Variants in ACE observed in about 807,000 individuals in gnomAD.
ACE encodes angiotensin-converting enzyme.
ACE carries 122 observed loss-of-function variants against 162.3 expected under a neutral mutation model. That is an observed-to-expected ratio of 0.75 (90% CI 0.65 to 0.87). The LOEUF is 0.87. Ranked by LOEUF, ACE falls within the 40% of genes least tolerant of loss-of-function variation. The pLI is 0.00. For missense variants in ACE, 1,799 were observed against 1,735.1 expected, an observed-to-expected ratio of 1.04 and a Z score of -0.65; for synonymous variants, 796 against 720.6, an observed-to-expected ratio of 1.10 and a Z score of -1.68.
At position 63,496,811 on chromosome 17, in the gene ACE, C is replaced by T; in HGVS notation, c.3517C>T (p.Leu1173=). Residue 1173 remains leucine, a synonymous_variant, in exon 24 of 25, where the codon CTG becomes TTG. Coordinates refer to ENST00000290866, the MANE Select transcript of ACE (RefSeq NM_000789.4). ...AGQRLATAMK[L]GFSRPWPEAM... The stretch of plus-strand genomic sequence containing the variant: ...ATGCCTCCCCAGGACCGCCATGAAG[C>T]TGGGCTTCAGTAGGCCGTGGCCGGA... The T allele has an allele frequency of 1.2e-6, 2 of 1,612,742 alleles. No individual in the cohort carries two copies. The highest frequency in any genetic ancestry group is 1.7e-5 in the Admixed American group (1 of 60,022).
In ACE at chr17:63,485,300, G is replaced by A. The variant is rs373521244; in HGVS notation, c.1986G>A (p.Val662=). The A allele has an allele frequency of 6.2e-7, 1 of 1,614,064 alleles. No homozygotes were observed. Among genetic ancestry groups the A allele is most frequent in the South Asian group, 1.1e-5 (1 of 91,074 alleles). The change falls in exon 13 of 25, where the codon GTG becomes GTA. Residue 662 remains valine, a synonymous_variant. Coordinates refer to ENST00000290866, the MANE Select transcript of ACE (RefSeq NM_000789.4). ...FVEEYDRTSQ[V]VWNEYAEANW... is the part of the protein sequence containing the mutation. ...AGGAATATGACCGGACATCCCAGGTGGTGTGGAACGAGTATGCCGAGGCCA... is the reference window on the plus strand; with the variant it reads ...AGGAATATGACCGGACATCCCAGGTAGTGTGGAACGAGTATGCCGAGGCCA...
rs2030405104 is a variant in ACE at position 63,491,820 on chromosome 17, T to G, written c.2912+439T>G. Among the ~76,000 whole-genome samples, 1 of 152,172 alleles carries G rather than the reference T, an allele frequency of 6.6e-6. No individual in the cohort carries two copies. Among genetic ancestry groups the G allele is most frequent in the South Asian group, 2.1e-4 (1 of 4,824 alleles). On this transcript the variant is annotated intron_variant, in intron 19 of 24. Coordinates refer to ENST00000290866, the MANE Select transcript of ACE (RefSeq NM_000789.4). The surrounding 1 kb of genome is among the most constrained non-coding windows in gnomAD (Gnocchi z 4.4). ...CTTCCTTGGAGGATGGCGTTTTAGT[T>G]ACCTATTGCTGTGCAACCAAGCACC...
In ACE at chr17:63,482,624, T is replaced by C. The variant is rs1295075641; in HGVS notation, c.1277T>C (p.Leu426Pro). 2 of 1,614,004 alleles carry C rather than the reference T, an allele frequency of 1.2e-6. No homozygotes were observed. Among genetic ancestry groups the C allele is most frequent in the Non-Finnish European group, 1.7e-6 (2 of 1,179,986 alleles). ...FHEAIGDVLALSVSTPEHLHK... is the reference protein window; with the variant it reads ...FHEAIGDVLAPSVSTPEHLHK... ...GAGGCCATTGGGGACGTGCTGGCGC[T>C]CTCGGTCTCCACTCCTGAACATCTG... The change falls in exon 8 of 25, where the codon CTC becomes CCC. Residue 426 changes from leucine to proline, a missense_variant. Physicochemically the swap from Leu to Pro is moderately conservative, Grantham distance 98. Coordinates refer to ENST00000290866, the MANE Select transcript of ACE (RefSeq NM_000789.4).
At chr17:63,483,301 G>A (rs189924139) in intron 9 of ACE, 128 bp downstream of exon 9, 88 of 1,537,966 alleles carry the variant, frequency 5.7e-5, no homozygotes, top group African/African-American at 4.8e-4. Context: ...GTGACCCACC[G>A]CCTTCTCCTT....
chr17:63,483,491 A>G lies in ACE; in HGVS notation c.1519A>G (p.Thr507Ala), dbSNP rs1385293426. ...TKYQGICPPV[T>A]RNETHFDAGA... ...GTATCAGGGGATCTGTCCTCCTGTT[A>G]CCCGAAACGAAACCCACTTTGATGC... The change falls in exon 10 of 25, where the codon ACC becomes GCC. Residue 507 changes from threonine to alanine, a missense_variant. Thr to Ala is a moderately conservative substitution (Grantham distance 58). Coordinates refer to ENST00000290866, the MANE Select transcript of ACE (RefSeq NM_000789.4). 6.2e-7 allele frequency: 1 copy of G among 1,613,954 alleles called. No individual in the cohort carries two copies. The highest frequency in any genetic ancestry group is 8.5e-7 in the Non-Finnish European group (1 of 1,180,010).
chr17:63,485,041 C>G (rs972512569), intron 12 of ACE, 195 bp from the exon 13 acceptor site: 12 of 1,610,502 alleles, frequency 7.5e-6, no homozygotes, highest in South Asian at 1.1e-5. Context: ...AGGCGACGGC[C>G]CACCAGACAT....
At position 63,489,061 on chromosome 17, in the gene ACE, G is replaced by T. The variant is rs146089353; in HGVS notation, c.2570G>T (p.Arg857Leu). The stretch of plus-strand genomic sequence containing the variant: ...TACCTCAACCTGCATGCCTACGTGC[G>T]CCGGGCCCTGCACCGTCACTACGGG... ...PLYLNLHAYVRRALHRHYGAQ... is the reference protein window; with the variant it reads ...PLYLNLHAYVLRALHRHYGAQ... Residue 857 changes from arginine (R) to leucine (L), a missense_variant, in exon 17 of 25, where the codon CGC (arginine) becomes CTC (leucine). Coordinates refer to ENST00000290866, the MANE Select transcript of ACE (RefSeq NM_000789.4). The T allele has an allele frequency of 8.1e-6, 13 of 1,613,954 alleles. No homozygotes were observed. Among genetic ancestry groups the T allele is most frequent in the Admixed American group, 5.0e-5 (3 of 60,024 alleles).
chr17:63,489,277 G>A, intron 17 of ACE, 145 bp downstream of exon 17: 1 of 1,029,662 alleles, frequency 9.7e-7, no homozygotes, highest in South Asian at 1.6e-5. Flanking sequence ...AGGCTGGAGG[G>A]GGGTGGGCGC....
Position 63,490,723 on chromosome 17 carries a change from T to G in ACE, c.2642-231T>G, listed in dbSNP as rs115250991. Reference sequence around the variant, plus strand: ...TCACGGACAGTGAAGACCACCTGGATTCCCTGATAACCAGCAAGGCCCCCA... The same window carrying G: ...TCACGGACAGTGAAGACCACCTGGAGTCCCTGATAACCAGCAAGGCCCCCA... On this transcript the variant is annotated intron_variant, in intron 17 of 24. Transcript: ENST00000290866. 2.4e-3 allele frequency: 1,387 copies of G among 568,928 alleles called. 10 individuals are homozygous for G. The highest frequency in any genetic ancestry group is 0.021 in the African/African-American group (1,123 of 53,470). The allele number at this position is 568,928 out of a possible 1,614,324, so 35.2% of individuals were successfully genotyped here.
At position 63,483,475 on chromosome 17, in the gene ACE, G is replaced by C. The variant is rs752661267; in HGVS notation, c.1503G>C (p.Gly501=). ...CCTTTTCCAGAACCAAGTATCAGGGGATCTGTCCTCCTGTTACCCGAAACG... is the reference window on the plus strand; with the variant it reads ...CCTTTTCCAGAACCAAGTATCAGGGCATCTGTCCTCCTGTTACCCGAAACG... ...DWWYLRTKYQ[G]ICPPVTRNET... is the part of the protein sequence containing the mutation. The change falls in exon 10 of 25, where the codon GGG becomes GGC. Residue 501 remains glycine, a synonymous_variant. Coordinates refer to ENST00000290866, the MANE Select transcript of ACE (RefSeq NM_000789.4). 1.5e-5 allele frequency: 25 copies of C among 1,614,020 alleles called. No homozygotes were observed. The Admixed American group carries it at 4.2e-4, about 27-fold the overall frequency.
At position 63,481,115 on chromosome 17, in the gene ACE, A is replaced by C. The variant is rs771517816; in HGVS notation, c.872A>C (p.Glu291Ala). ...GGAGACATGTGGGCCCAGAGCTGGG[A>C]AAACATCTACGACATGGTGGTGCCT... ...LLGDMWAQSW[E>A]NIYDMVVPFP... The change falls in exon 6 of 25, where the codon GAA becomes GCA. Residue 291 changes from glutamate (E) to alanine (A), a missense_variant. By Grantham distance (107) the Glu-to-Ala change is moderately radical. Coordinates refer to ENST00000290866, the MANE Select transcript of ACE (RefSeq NM_000789.4). The C allele has an allele frequency of 6.2e-7, 1 of 1,614,042 alleles. No individual in the cohort carries two copies. The highest frequency in any genetic ancestry group is 8.5e-7 in the Non-Finnish European group (1 of 1,179,998).
At position 63,481,693 on chromosome 17, in the gene ACE, T is replaced by C; in HGVS notation, c.1073T>C (p.Val358Ala). 1.2e-6 allele frequency: 2 copies of C among 1,614,158 alleles called. No homozygotes were observed. The highest frequency in any genetic ancestry group is 4.5e-5 in the East Asian group (2 of 44,876). Residue 358 changes from valine (V) to alanine (A), a missense_variant, in exon 7 of 25, where the codon GTG becomes GCG. Coordinates refer to ENST00000290866, the MANE Select transcript of ACE (RefSeq NM_000789.4). ...AAGCCGGCCGACGGGCGGGAAGTGGTGTGCCACGCCTCGGCTTGGGACTTC... is the reference window on the plus strand; with the variant it reads ...AAGCCGGCCGACGGGCGGGAAGTGGCGTGCCACGCCTCGGCTTGGGACTTC... Reference protein sequence around the residue: ...LEKPADGREVVCHASAWDFYN... With the variant: ...LEKPADGREVACHASAWDFYN...
At position 63,480,429 on chromosome 17, in the gene ACE, CT is replaced by C; in HGVS notation, c.749del (p.Leu250ProfsTer3). 6.2e-7 allele frequency: 1 copy of C among 1,614,178 alleles called. No homozygotes were observed. Among genetic ancestry groups the C allele is most frequent in the Non-Finnish European group, 8.5e-7 (1 of 1,180,034 alleles). The stretch of plus-strand genomic sequence containing the variant: ...ACACCTCTACCAACAGCTAGAGCCC[CT>C]CTACCTGAACCTCCATGCCTTCGTC... ...LEHLYQQLEPLYLNLHAFVRR... is the reference protein window; with the variant it reads ...LEHLYQQLEPXYLNLHAFVRR... On this transcript the variant is annotated frameshift_variant, in exon 5 of 25. Coordinates refer to ENST00000290866, the MANE Select transcript of ACE (RefSeq NM_000789.4). LOFTEE classifies it high-confidence loss of function.
intron 13 of ACE, chr17:63,485,703 A>T (rs2029888967): frequency 2.8e-6 from 1 of 355,510 alleles, no homozygotes; most frequent in African/African-American, 2.2e-5. Context: ...TGAACCCGGG[A>T]GGCAGAGCTT....
chr17:63,484,254 G>C lies in ACE; in HGVS notation c.1710-76G>C. The C allele has an allele frequency of 6.7e-7, 1 of 1,490,912 alleles. No individual in the cohort carries two copies. The highest frequency in any genetic ancestry group is 9.1e-7 in the Non-Finnish European group (1 of 1,101,186). 92.4% of individuals were successfully genotyped at this position (1,490,912 alleles called of 1,614,324 possible). ...TCCATTGGGGGGCGGAAGTGGCCAG[G>C]GGCATGTGGGCCGGGGTCCAGGAGC... On this transcript the variant is annotated intron_variant, in intron 11 of 24. Transcript: ENST00000290866. This position sits in a 1 kb window ranked among gnomAD's most constrained non-coding sequence, Gnocchi z 4.0.
rs2030387321 is a variant in ACE, at chr17:63,491,569, GACTTCTGAAGC to G, written c.2912+191_2912+201del. Among the ~76,000 whole-genome samples the G allele has an allele frequency of 6.6e-6, 1 of 152,178 alleles. No individual in the cohort carries two copies. The highest frequency in any genetic ancestry group is 1.9e-4 in the East Asian group (1 of 5,176). On this transcript the variant is annotated intron_variant, in intron 19 of 24. Transcript: ENST00000290866. This position sits in a 1 kb window ranked among gnomAD's most constrained non-coding sequence, Gnocchi z 4.4. ...AGGAAAACCCCATCCGCCTGATGGG[GACTTCTGAAGC>G]ACGCAACAGCTCTGTCAGCCTGGCC...
At position 63,482,447 on chromosome 17, in the gene ACE, C is replaced by T. The variant is rs770422925; in HGVS notation, c.1119-19C>T. 20 of 1,610,884 alleles carry T rather than the reference C, an allele frequency of 1.2e-5. 1 individual carries two copies. The highest frequency in any genetic ancestry group is 1.1e-4 in the South Asian group (10 of 90,756). On this transcript the variant is annotated intron_variant, in intron 7 of 24. Transcript: ENST00000290866. ...TCTGTCCATCCGTCACTCTCACCCT[C>T]GCCCTCTCTACGCCCCAGGATCAAG...
intron 23 of ACE, 99 bp downstream of exon 23, chr17:63,496,615 T>C (rs1055651818): frequency 6.2e-7 from 1 of 1,606,678 alleles, no homozygotes; most frequent in Non-Finnish European, 8.5e-7. Flanking sequence ...ACACTTGCCA[T>C]TTTGAGCCGG....
intron 17 of ACE, 111 bp from the exon 18 acceptor site, chr17:63,490,843 G>A: frequency 9.8e-7 from 1 of 1,018,568 alleles, no homozygotes; most frequent in Non-Finnish European, 1.6e-6. Flanking sequence ...CTCAAGAAAT[G>A]CCACTATGAT....
Sources: gnomAD v4.1 joint callset for allele counts (sites outside exome capture counted in the v4.1 genomes callset) on GRCh38, gnomAD v4.1.1 for gene constraint, Gnocchi (gnomAD v3.1) non-coding constraint, MANE v1.5 for transcripts, NCBI Gene and HGNC (gene_info 2026-07-23, HGNC 2026-07-21) for gene names.